Variants in AP2A2 observed in about 807,000 individuals in gnomAD.
AP2A2 encodes AP-2 complex subunit alpha-2.
A neutral mutation model predicts 104.2 loss-of-function variants in AP2A2; 32 were observed. The observed-to-expected ratio is 0.31, with a 90% CI of 0.23 to 0.41. AP2A2 has a LOEUF of 0.41. AP2A2 is among the 10% of genes least tolerant of loss of function. AP2A2 has a pLI of 1.00. For synonymous variants in AP2A2, 539 were observed against 533.3 expected, an observed-to-expected ratio of 1.01 and a Z score of -0.15; for missense variants, 912 against 1,261.0, an observed-to-expected ratio of 0.72 and a Z score of 4.19.
Position 1,009,356 on chromosome 11 carries a change from A to G in AP2A2, c.2566A>G (p.Lys856Glu). 6.2e-7 allele frequency: 1 copy of G among 1,613,748 alleles called. No homozygotes were observed. Among genetic ancestry groups the G allele is most frequent in the Non-Finnish European group, 8.5e-7 (1 of 1,179,848 alleles). ...ACAGCAGGAAGTGCAGAACATCTTC[A>G]AAGCAAAGCACCCAATGGACACAGA... ...NPQQEVQNIF[K>E]AKHPMDTEVT... The change falls in exon 20 of 22, where the codon AAA becomes GAA. Residue 856 changes from lysine (K) to glutamate (E), a missense_variant. Lys to Glu is a moderately conservative substitution (Grantham distance 56). Transcript: ENST00000448903.
At chr11:1,003,073 C>T (rs1055965902) in intron 15 of AP2A2, among the ~76,000 whole-genome samples, 2 of 152,252 alleles carry the variant, frequency 1.3e-5, no homozygotes, top group African/African-American at 4.8e-5. Flanking sequence ...ACTTGAAGCT[C>T]TTCTGAGAGA....
intron 14 of AP2A2, among the ~76,000 whole-genome samples, chr11:997,478 A>G (rs1375970483): frequency 1.3e-5 from 2 of 152,200 alleles, no homozygotes; most frequent in Non-Finnish European, 2.9e-5. Flanking sequence ...GAAGATGAAG[A>G]ACCTGAAGTG....
At chr11:930,486 A>C (rs887757189) in intron 1 of AP2A2, among the ~76,000 whole-genome samples, 1 of 152,034 alleles carries the variant, frequency 6.6e-6, no homozygotes, top group African/African-American at 2.4e-5. Context: ...AATTGGCATT[A>C]AAAAAATTCT....
intron 2 of AP2A2, among the ~76,000 whole-genome samples, chr11:960,377 G>A (rs1164552011): frequency 6.6e-6 from 1 of 152,140 alleles, no homozygotes; most frequent in Non-Finnish European, 1.5e-5. Context: ...CGAGTAGCTG[G>A]GATTACAGGC....
At position 935,002 on chromosome 11, in the gene AP2A2, G is replaced by A. The variant is rs1390798295; in HGVS notation, c.67+8914G>A. Reference sequence around the variant, plus strand: ...GCCTCCGGAGTAGCTGGGATTACAGGAGCGCACCACCATGCCCGGCTAATT... The same window carrying A: ...GCCTCCGGAGTAGCTGGGATTACAGAAGCGCACCACCATGCCCGGCTAATT... On this transcript the variant is annotated intron_variant, in intron 1 of 21. Coordinates refer to ENST00000448903, the MANE Select transcript of AP2A2 (RefSeq NM_012305.4). Among the ~76,000 whole-genome samples, 5 of 150,716 alleles carry A rather than the reference G, an allele frequency of 3.3e-5. No individual in the cohort carries two copies. In the South Asian group the frequency reaches 6.3e-4, roughly 19 times the overall value.
rs139719615 is a variant in AP2A2 at position 993,225 on chromosome 11, C to T, written c.1453-59C>T. 6.1e-5 allele frequency: 86 copies of T among 1,418,770 alleles called. 1 individual carries two copies. Among genetic ancestry groups the T allele is most frequent in the Admixed American group, 2.7e-4 (12 of 44,072 alleles). 87.9% of individuals were successfully genotyped at this position (1,418,770 alleles called of 1,614,324 possible). On this transcript the variant is annotated intron_variant, in intron 11 of 21. Transcript: ENST00000448903. This position sits in a 1 kb window ranked among gnomAD's most constrained non-coding sequence, Gnocchi z 8.2. ...AGGGTGCACCGCGCCAGGACGTGCC[C>T]GCCTCGCCTTAACTCTGGCACCTGG... is the stretch of plus-strand genomic sequence containing the variant.
chr11:954,516 G>C (rs575347079), intron 1 of AP2A2, among the ~76,000 whole-genome samples: 1 of 152,226 alleles, frequency 6.6e-6, no homozygotes, highest in East Asian at 1.9e-4. Context: ...TTGTGTACGT[G>C]TGTATTTCTG....
At chr11:981,791 C>T (rs1855250578) in intron 6 of AP2A2, among the ~76,000 whole-genome samples, 1 of 152,276 alleles carries the variant, frequency 6.6e-6, no homozygotes, top group African/African-American at 2.4e-5. Context: ...TCCTGTTGAA[C>T]ACTTAGCTCC....
chr11:959,433 T>G lies in AP2A2; in HGVS notation c.68-4T>G. ...TAAAAATGGCTTTTTGTTCTTTTTT[T>G]TAGGTAAAAGTAAAGAAGCAGAAAT... On this transcript the variant is annotated splice_region_variant and splice_polypyrimidine_tract_variant and intron_variant, in intron 1 of 21. Transcript: ENST00000448903. 1 of 1,519,548 alleles carries G rather than the reference T, an allele frequency of 6.6e-7. No individual in the cohort carries two copies. The highest frequency in any genetic ancestry group is 1.4e-5 in the African/African-American group (1 of 72,098). The allele number at this position is 1,519,548 out of a possible 1,614,324, so 94.1% of individuals were successfully genotyped here. A position where few individuals can be genotyped will look rare whatever the true frequency, so the allele number is the denominator to read the frequency against.
intron 1 of AP2A2, among the ~76,000 whole-genome samples, chr11:938,291 A>G (rs1031442722): frequency 5.9e-5 from 9 of 152,064 alleles, no homozygotes; most frequent in African/African-American, 2.2e-4. Flanking sequence ...AAACCCCTAT[A>G]CGATACTGAG....
intron 2 of AP2A2, among the ~76,000 whole-genome samples, chr11:964,602 G>C (rs1854548496): frequency 6.6e-6 from 1 of 152,164 alleles, no homozygotes; most frequent in Non-Finnish European, 1.5e-5. Flanking sequence ...GCATGGGCTG[G>C]AGTGCTACCA....
rs911933058 is a variant in AP2A2, at chr11:992,577, G to A, written c.1344G>A (p.Leu448=). Residue 448 remains leucine (L), a synonymous_variant, in exon 11 of 22, where the codon TTG becomes TTA. Coordinates refer to ENST00000448903, the MANE Select transcript of AP2A2 (RefSeq NM_012305.4). The surrounding 1 kb of genome is among the most constrained non-coding windows in gnomAD (Gnocchi z 6.4). ...GGTATGTGGATACCATCTTGAACTT[G>A]ATCCGAATTGCTGGTGATTACGTGA... ...YTWYVDTILN[L]IRIAGDYVSE... 6.2e-7 allele frequency: 1 copy of A among 1,613,844 alleles called. No individual in the cohort carries two copies. The highest frequency in any genetic ancestry group is 1.3e-5 in the African/African-American group (1 of 75,028).
rs549845216 is a variant in AP2A2, at chr11:963,215, C to G, written c.136+3710C>G. On this transcript the variant is annotated intron_variant, in intron 2 of 21. Transcript: ENST00000448903. ...CCGAGGTGGCTGGATCAGTTGAGGT[C>G]AGGAGTTTGAGACCAGCCTGACCAA... 1.6e-4 allele frequency among the ~76,000 whole-genome samples: 25 copies of G among 152,136 alleles called. No homozygotes were observed. In the South Asian group the frequency reaches 5.0e-3, roughly 30 times the overall value.
intron 1 of AP2A2, among the ~76,000 whole-genome samples, chr11:936,427 C>T (rs1013273830): frequency 2.6e-5 from 4 of 151,160 alleles, no homozygotes; most frequent in East Asian, 1.9e-4. Flanking sequence ...GGGTCTCATT[C>T]GCATTGCCCA....
intron 1 of AP2A2, among the ~76,000 whole-genome samples, chr11:949,449 TG>T (rs1853961902): frequency 6.6e-6 from 1 of 152,022 alleles, no homozygotes; most frequent in Non-Finnish European, 1.5e-5. Flanking sequence ...TTCAACCAAA[TG>T]CTAGCCAGTT....
At position 992,713 on chromosome 11, in the gene AP2A2, T is replaced by TG. The variant is rs767669613; in HGVS notation, c.1452+32dup. 79 of 1,612,646 alleles carry TG rather than the reference T, an allele frequency of 4.9e-5. No homozygotes were observed. The highest frequency in any genetic ancestry group is 6.5e-5 in the Non-Finnish European group (77 of 1,179,432). On this transcript the variant is annotated intron_variant, in intron 11 of 21. Transcript: ENST00000448903. The surrounding 1 kb of genome is among the most constrained non-coding windows in gnomAD (Gnocchi z 6.4). Reference sequence around the variant, plus strand: ...ATGGCCCGCAGGATGGCAGGAAGGATGGGGTGGAGGGCAGTTGCAGAAGGT... The same window carrying TG: ...ATGGCCCGCAGGATGGCAGGAAGGATGGGGGTGGAGGGCAGTTGCAGAAGGT...
chr11:994,434 G>A (rs1465742696), intron 14 of AP2A2, among the ~76,000 whole-genome samples, 189 bp downstream of exon 14: 3 of 151,556 alleles, frequency 2.0e-5, no homozygotes, highest in Non-Finnish European at 2.9e-5. Context: ...GTCCTGTCCT[G>A]GGGGCCACTG....
chr11:973,224 C>G (rs920976421), intron 4 of AP2A2, among the ~76,000 whole-genome samples: 15 of 152,206 alleles, frequency 9.9e-5, no homozygotes, highest in Admixed American at 9.2e-4. Context: ...ACCGGCGTCT[C>G]AACTGGGCCA....
At chr11:977,304 C>G in intron 5 of AP2A2, 80 bp downstream of exon 5, 2 of 1,499,108 alleles carry the variant, frequency 1.3e-6, no homozygotes, top group African/African-American at 2.8e-5. Flanking sequence ...CATGGTGCGC[C>G]TTCTCGGGAT....
Sources: allele counts gnomAD v4.1 joint callset (sites outside exome capture counted in the v4.1 genomes callset), GRCh38; gene constraint gnomAD v4.1.1; non-coding constraint Gnocchi (gnomAD v3.1); transcripts MANE v1.5; gene names NCBI Gene and HGNC (gene_info 2026-07-23, HGNC 2026-07-21).